The following TMC2 variants were observed in gnomAD, a reference collection of about 807,000 sequenced individuals.
The protein encoded by TMC2 is transmembrane channel like 2.
Under a neutral mutation model 105.9 loss-of-function variants are expected in TMC2, and 102 were observed. That is an observed-to-expected ratio of 0.96 (90% CI 0.82 to 1.14). TMC2 has a LOEUF of 1.14. TMC2 is among the 50% of genes most tolerant of loss of function. TMC2 has a pLI of 0.00. For synonymous variants in TMC2, 402 were observed against 422.8 expected (o/e 0.95, Z 0.60); for missense variants, 1,093 against 1,134.3 (o/e 0.96, Z 0.52).
In TMC2 at chr20:2,571,339, G is replaced by A. The variant is rs532704202; in HGVS notation, c.555-840G>A. The stretch of plus-strand genomic sequence containing the variant: ...ATAACTCCATTAAAAAGTGGACAAA[G>A]AATATGAACAAACACTTCTCAAAAG... On this transcript the variant is annotated intron_variant, in intron 4 of 19. Coordinates refer to ENST00000358864, the MANE Select transcript of TMC2 (RefSeq NM_080751.3). 6.6e-5 allele frequency among the ~76,000 whole-genome samples: 10 copies of A among 152,196 alleles called. No individual in the cohort carries two copies. In the South Asian group the frequency reaches 2.1e-3, roughly 32 times the overall value.
Position 2,580,066 on chromosome 20 carries a change from G to A in TMC2, c.834+10G>A. On this transcript the variant is annotated intron_variant, in intron 7 of 19. Transcript: ENST00000358864. ...AGTCATAATCCCAGAGGTAAGAAAAGAACTTCCTAAATCTTTGGATAGAGT... is the reference window on the plus strand; with the variant it reads ...AGTCATAATCCCAGAGGTAAGAAAAAAACTTCCTAAATCTTTGGATAGAGT... 1.9e-6 allele frequency: 3 copies of A among 1,565,144 alleles called. No individual in the cohort carries two copies. Among genetic ancestry groups the A allele is most frequent in the Non-Finnish European group, 2.6e-6 (3 of 1,136,142 alleles).
chr20:2,541,929 G>T (rs1168962733), intron 2 of TMC2, among the ~76,000 whole-genome samples: 1 of 151,622 alleles, frequency 6.6e-6, no homozygotes, highest in Non-Finnish European at 1.5e-5. Flanking sequence ...TTCCCCATTA[G>T]TAACTTACCT....
In TMC2 at chr20:2,572,258, C is replaced by G. The variant is rs149936777; in HGVS notation, c.634C>G (p.Leu212Val). ...KGKQLYAYKM[L>V]MAKKWVKFKR... Reference sequence around the variant, plus strand: ...CAAGCAACTATATGCCTACAAGATGCTGATGGCCAAGGTGTGTGGGGTGGG... The same window carrying G: ...CAAGCAACTATATGCCTACAAGATGGTGATGGCCAAGGTGTGTGGGGTGGG... Residue 212 changes from leucine (L) to valine (V), a missense_variant, in exon 5 of 20, where the codon CTG becomes GTG. Coordinates refer to ENST00000358864, the MANE Select transcript of TMC2 (RefSeq NM_080751.3). The G allele has an allele frequency of 6.2e-7, 1 of 1,612,144 alleles. No individual in the cohort carries two copies. Among genetic ancestry groups the G allele is most frequent in the Non-Finnish European group, 8.5e-7 (1 of 1,178,770 alleles).
At chr20:2,608,738 A>G (rs1448655918) in intron 11 of TMC2, among the ~76,000 whole-genome samples, 1 of 152,216 alleles carries the variant, frequency 6.6e-6, no homozygotes, top group Non-Finnish European at 1.5e-5. Context: ...TCTCTCTTGA[A>G]TAATTTCAGG....
intron 12 of TMC2, among the ~76,000 whole-genome samples, chr20:2,611,521 C>T (rs187500810): frequency 6.6e-6 from 1 of 152,110 alleles, no homozygotes; most frequent in African/African-American, 2.4e-5. Flanking sequence ...TTGACTAATC[C>T]TTCTTGAGGT....
At chr20:2,585,674 T>C (rs2086226763) in intron 7 of TMC2, among the ~76,000 whole-genome samples, 2 of 152,188 alleles carry the variant, frequency 1.3e-5, no homozygotes, top group Non-Finnish European at 2.9e-5. Flanking sequence ...CCTCAGAAAA[T>C]CTGCTTCCAA....
intron 2 of TMC2, among the ~76,000 whole-genome samples, chr20:2,551,941 G>C (rs2085959065): frequency 6.6e-6 from 1 of 152,114 alleles, no homozygotes; most frequent in Non-Finnish European, 1.5e-5. Context: ...TGGATATTCT[G>C]GGTCTTTTGC....
At chr20:2,624,234 TG>T (rs938410880) in intron 16 of TMC2, 36 bp from the exon 17 acceptor site, 1 of 1,603,074 alleles carries the variant, frequency 6.2e-7, no homozygotes, top group African/African-American at 1.3e-5. Context: ...CACAGGCACA[TG>T]GCAGCATGTT....
rs764036868 is a variant in TMC2 at position 2,561,995 on chromosome 20, A to G, written c.539A>G (p.Lys180Arg). 5.0e-6 allele frequency: 8 copies of G among 1,613,908 alleles called. No individual in the cohort carries two copies. The East Asian group carries it at 1.6e-4, about 31-fold the overall frequency. Reference sequence around the variant, plus strand: ...AGCAAGCCCTGGCCCATGGCGAAGAAGCTGACAGAGCTCAGGTGAGCAGGC... The same window carrying G: ...AGCAAGCCCTGGCCCATGGCGAAGAGGCTGACAGAGCTCAGGTGAGCAGGC... ...MRSKPWPMAK[K>R]LTELREAQEF... is the part of the protein sequence containing the mutation. The change falls in exon 4 of 20, where the codon AAG becomes AGG. Residue 180 changes from lysine to arginine, a missense_variant. Lys to Arg is a conservative substitution (Grantham distance 26). Coordinates refer to ENST00000358864, the MANE Select transcript of TMC2 (RefSeq NM_080751.3).
Position 2,592,422 on chromosome 20 carries a change from C to T in TMC2, c.933+14C>T. 6.5e-7 allele frequency: 1 copy of T among 1,531,952 alleles called. No homozygotes were observed. The highest frequency in any genetic ancestry group is 9.0e-7 in the Non-Finnish European group (1 of 1,105,150). The allele number at this position is 1,531,952 out of a possible 1,614,324, so 94.9% of individuals were successfully genotyped here. ...TGGGATTTTGAGGTACTATTGTCAACATGCCAATGAACTTCCATTTGTGAT... is the reference window on the plus strand; with the variant it reads ...TGGGATTTTGAGGTACTATTGTCAATATGCCAATGAACTTCCATTTGTGAT... On this transcript the variant is annotated intron_variant, in intron 8 of 19. Transcript: ENST00000358864. The surrounding 1 kb of genome is among the most constrained non-coding windows in gnomAD (Gnocchi z 4.9).
intron 2 of TMC2, among the ~76,000 whole-genome samples, chr20:2,549,865 G>A (rs1280540046): frequency 6.6e-6 from 1 of 151,968 alleles, no homozygotes; most frequent in Non-Finnish European, 1.5e-5. Context: ...GCAGTTTTAG[G>A]ATTGGAGAAA....
chr20:2,562,539 G>A (rs2086034822), intron 4 of TMC2, among the ~76,000 whole-genome samples: 1 of 152,200 alleles, frequency 6.6e-6, no homozygotes. Flanking sequence ...ATCACTCTGT[G>A]AATGGCAACA....
Position 2,636,501 on chromosome 20 carries a change from C to A in TMC2, c.2385+497C>A, listed in dbSNP as rs181794208. 4.8e-3 allele frequency among the ~76,000 whole-genome samples: 730 copies of A among 151,964 alleles called. 7 individuals carry two copies. Among genetic ancestry groups the A allele is most frequent in the African/African-American group, 0.017 (686 of 41,434 alleles). ...ACACACACACACACACACGCACACACCCTAAAATTCAGACCCTAACCCTCC... is the reference window on the plus strand; with the variant it reads ...ACACACACACACACACACGCACACAACCTAAAATTCAGACCCTAACCCTCC... On this transcript the variant is annotated intron_variant, in intron 18 of 19. Transcript: ENST00000358864.
chr20:2,633,186 G>A (rs773113545), intron 17 of TMC2, among the ~76,000 whole-genome samples: 11 of 152,188 alleles, frequency 7.2e-5, no homozygotes, highest in Non-Finnish European at 1.0e-4. Context: ...AACAGGCTCT[G>A]TGTATGTATT....
At position 2,537,238 on chromosome 20, in the gene TMC2, A is replaced by G; in HGVS notation, c.35-31A>G. ...CAGGGAGGGGGACTCACCAGAGGCC[A>G]GCCATTTGTCAGCAATCCTGTCTCT... On this transcript the variant is annotated intron_variant, in intron 1 of 19. Transcript: ENST00000358864. The G allele has an allele frequency of 1.9e-6, 3 of 1,586,878 alleles. No homozygotes were observed. The East Asian group carries it at 6.8e-5, about 36-fold the overall frequency.
intron 17 of TMC2, among the ~76,000 whole-genome samples, chr20:2,631,460 G>A (rs79195797): frequency 0.023 from 3,489 of 152,286 alleles, 132 homozygotes; most frequent in African/African-American, 0.077. Flanking sequence ...GTCTGCTAGT[G>A]ATTACTTCTC....
intron 3 of TMC2, among the ~76,000 whole-genome samples, chr20:2,559,747 A>G (rs574257089): frequency 6.6e-6 from 1 of 152,220 alleles, no homozygotes; most frequent in East Asian, 1.9e-4. Context: ...TGGCTTGGTT[A>G]CAGCCTTTGT....
chr20:2,625,678 TA>T (rs2086559586), intron 17 of TMC2, among the ~76,000 whole-genome samples: 2 of 152,232 alleles, frequency 1.3e-5, no homozygotes, highest in African/African-American at 4.8e-5. Flanking sequence ...ACTTTTCGGC[TA>T]TTGCAAACTG....
chr20:2,619,097 G>A (rs985579445), intron 16 of TMC2, among the ~76,000 whole-genome samples: 2 of 152,286 alleles, frequency 1.3e-5, no homozygotes, highest in Middle Eastern at 3.4e-3. Flanking sequence ...TAAAAGGGTC[G>A]TATATGCAAA....
Sources: gnomAD v4.1 joint callset for allele counts (sites outside exome capture counted in the v4.1 genomes callset) on GRCh38, gnomAD v4.1.1 for gene constraint, Gnocchi (gnomAD v3.1) non-coding constraint, MANE v1.5 for transcripts, NCBI Gene and HGNC (gene_info 2026-07-23, HGNC 2026-07-21) for gene names.